DPP10: variants seen among roughly 807,000 people sequenced by gnomAD.
DPP10 encodes inactive dipeptidyl peptidase 10.
DPP10 carries 33 observed loss-of-function variants against 120.9 expected under a neutral mutation model. The observed-to-expected ratio is 0.27, with a 90% CI of 0.21 to 0.37. The LOEUF (loss-of-function observed/expected upper bound fraction) is 0.37. Ranked by LOEUF, DPP10 falls within the 10% of genes least tolerant of loss-of-function variation. The pLI, the probability that DPP10 is intolerant of heterozygous loss-of-function variation, is 1.00. For missense variants in DPP10, 816 were observed against 942.8 expected, an observed-to-expected ratio of 0.87 and a Z score of 1.76; for synonymous variants, 337 against 326.1, an observed-to-expected ratio of 1.03 and a Z score of -0.36.
At position 114,780,518 on chromosome 2, in the gene DPP10, A is replaced by G. The variant is rs796991963; in HGVS notation, c.60+337680A>G. On this transcript the variant is annotated intron_variant, in intron 1 of 25. Transcript: ENST00000410059. ...CAAGATAGCTGTGAACAATGTGTTTATATAGTAAAACAAGATTTATTTATT... is the reference window on the plus strand; with the variant it reads ...CAAGATAGCTGTGAACAATGTGTTTGTATAGTAAAACAAGATTTATTTATT... Among the ~76,000 whole-genome samples the G allele has an allele frequency of 3.9e-5, 6 of 152,230 alleles. 1 individual carries two copies. Among genetic ancestry groups the G allele is most frequent in the African/African-American group, 1.4e-4 (6 of 41,578 alleles).
intron 1 of DPP10, among the ~76,000 whole-genome samples, chr2:115,160,404 A>G (rs561976312): frequency 6.6e-6 from 1 of 152,312 alleles, no homozygotes; most frequent in African/African-American, 2.4e-5. Context: ...TTTAGAAACT[A>G]CTAAGGCAAG....
rs60603710 is a variant in DPP10 at position 114,867,063 on chromosome 2, A to T, written c.60+424225A>T. On this transcript the variant is annotated intron_variant, in intron 1 of 25. Coordinates refer to ENST00000410059, the MANE Select transcript of DPP10 (RefSeq NM_020868.6). Reference sequence around the variant, plus strand: ...TGTATTAATGAACAAGGTGCAGAACATGAAATACAGGACTCATTACATTTC... The same window carrying T: ...TGTATTAATGAACAAGGTGCAGAACTTGAAATACAGGACTCATTACATTTC... Among the ~76,000 whole-genome samples the T allele has an allele frequency of 3.9e-5, 6 of 152,336 alleles. No individual in the cohort carries two copies. In the East Asian group the frequency reaches 1.2e-3, roughly 29 times the overall value.
At chr2:114,751,491 GA>G (rs1212630432) in intron 1 of DPP10, among the ~76,000 whole-genome samples, 1 of 152,176 alleles carries the variant, frequency 6.6e-6, no homozygotes, top group African/African-American at 2.4e-5. Flanking sequence ...CCTGCTGTGA[GA>G]AGAATTTCAA....
At chr2:115,376,084 C>A (rs537398096) in intron 3 of DPP10, among the ~76,000 whole-genome samples, 2 of 152,120 alleles carry the variant, frequency 1.3e-5, no homozygotes, top group Middle Eastern at 3.4e-3. Context: ...TTAGCCCACT[C>A]TTGCTAAAAT....
At chr2:115,374,435 A>G (rs1337666819) in intron 3 of DPP10, among the ~76,000 whole-genome samples, 1 of 152,142 alleles carries the variant, frequency 6.6e-6, no homozygotes, top group Non-Finnish European at 1.5e-5. Context: ...TAGGCTGGCA[A>G]TGAGTGCCTG....
chr2:114,931,730 C>A (rs932060693), intron 1 of DPP10, among the ~76,000 whole-genome samples: 4 of 152,162 alleles, frequency 2.6e-5, no homozygotes, highest in Admixed American at 2.6e-4. Flanking sequence ...TACTAACTGC[C>A]TGTCCTTTGA....
At chr2:115,250,300 A>G (rs540150774) in intron 1 of DPP10, among the ~76,000 whole-genome samples, 13 of 152,220 alleles carry the variant, frequency 8.5e-5, no homozygotes, top group Non-Finnish European at 1.8e-4. Context: ...CACTGCATGC[A>G]ATAGATGAGG....
At chr2:115,321,823 C>T (rs2062078468) in intron 2 of DPP10, among the ~76,000 whole-genome samples, 1 of 151,976 alleles carries the variant, frequency 6.6e-6, no homozygotes. Context: ...TATTCTTCTA[C>T]TGAGTTTGTA....
chr2:115,561,291 G>A (rs1036262011), intron 5 of DPP10, among the ~76,000 whole-genome samples: 3 of 149,620 alleles, frequency 2.0e-5, no homozygotes, highest in African/African-American at 7.4e-5. Flanking sequence ...CCCAGGAGGT[G>A]GAGGTGGCAG....
chr2:114,584,641 C>A (rs1645613919), intron 1 of DPP10, among the ~76,000 whole-genome samples: 1 of 147,622 alleles, frequency 6.8e-6, no homozygotes, highest in Non-Finnish European at 1.5e-5. Flanking sequence ...TGAGAACCTG[C>A]AGTGTTTGGT....
chr2:114,739,775 T>C lies in DPP10; in HGVS notation c.60+296937T>C, dbSNP rs145898841. Among the ~76,000 whole-genome samples, 30 of 152,268 alleles carry C rather than the reference T, an allele frequency of 2.0e-4. 2 individuals carry two copies. The highest frequency in any genetic ancestry group is 7.2e-4 in the African/African-American group (30 of 41,556). On this transcript the variant is annotated intron_variant, in intron 1 of 25. Coordinates refer to ENST00000410059, the MANE Select transcript of DPP10 (RefSeq NM_020868.6). ...TAGGGAACTTCTCCATTGCATGCAA[T>C]CTCATTGTTATTTTCAAACTAAGAG...
chr2:114,600,649 C>G (rs748841431), intron 1 of DPP10, among the ~76,000 whole-genome samples: 1 of 151,760 alleles, frequency 6.6e-6, no homozygotes, highest in Non-Finnish European at 1.5e-5. Context: ...TTTTGATATG[C>G]CTTGGCATCA....
intron 1 of DPP10, among the ~76,000 whole-genome samples, chr2:114,561,386 C>CACCACATACACAT (rs1688749260): frequency 6.6e-6 from 1 of 152,180 alleles, no homozygotes; most frequent in African/African-American, 2.4e-5. Context: ...CACATGCACA[C>CACCACATACACAT]ACCACATACA....
intron 3 of DPP10, among the ~76,000 whole-genome samples, chr2:115,438,620 T>C (rs1430903085): frequency 2.6e-5 from 4 of 152,218 alleles, no homozygotes; most frequent in Non-Finnish European, 5.9e-5. Flanking sequence ...AAAATCATTA[T>C]GCTAAGTGAA....
intron 1 of DPP10, among the ~76,000 whole-genome samples, chr2:115,249,958 A>G (rs1161145119): frequency 6.6e-6 from 1 of 152,188 alleles, no homozygotes; most frequent in Non-Finnish European, 1.5e-5. Flanking sequence ...TACTAGACAG[A>G]AAGAAATCTA....
At chr2:114,631,713 C>T (rs1402310372) in intron 1 of DPP10, among the ~76,000 whole-genome samples, 4 of 152,076 alleles carry the variant, frequency 2.6e-5, no homozygotes, top group African/African-American at 4.8e-5. Flanking sequence ...GTACCATGCA[C>T]CTCTTAAGAA....
chr2:115,262,452 A>C (rs1443683194), intron 1 of DPP10, among the ~76,000 whole-genome samples: 2 of 152,042 alleles, frequency 1.3e-5, no homozygotes, highest in African/African-American at 4.8e-5. Context: ...CAGAAACCTA[A>C]AATGTCAGTG....
chr2:115,628,862 AC>A (rs2085591837), intron 5 of DPP10, among the ~76,000 whole-genome samples: 1 of 151,958 alleles, frequency 6.6e-6, no homozygotes. Flanking sequence ...CATGTGCACA[AC>A]GTGCAGGTTT....
At chr2:114,454,144 G>A (rs948896383) in intron 1 of DPP10, among the ~76,000 whole-genome samples, 1 of 152,116 alleles carries the variant, frequency 6.6e-6, no homozygotes, top group Admixed American at 6.6e-5. Context: ...GAAACTTGAT[G>A]GGCAAGCAAT....
Sources: allele counts gnomAD v4.1 joint callset (sites outside exome capture counted in the v4.1 genomes callset), GRCh38; gene constraint gnomAD v4.1.1; transcripts MANE v1.5; gene names NCBI Gene and HGNC (gene_info 2026-07-23, HGNC 2026-07-21).